Variants in FAM114A1 observed in about 807,000 individuals in gnomAD.
FAM114A1 encodes protein NOXP20.
Under a neutral mutation model 64.3 loss-of-function variants are expected in FAM114A1, and 62 were observed. That is an observed-to-expected ratio of 0.96 (90% CI 0.79 to 1.19). The LOEUF is 1.19. Ranked by LOEUF, FAM114A1 falls within the 50% of genes most tolerant of loss-of-function variation. The pLI is 0.00. For synonymous variants in FAM114A1, 254 were observed against 251.1 expected, an observed-to-expected ratio of 1.01 and a Z score of -0.11; for missense variants, 645 against 676.3, an observed-to-expected ratio of 0.95 and a Z score of 0.51.
chr4:38,888,118 C>T (rs2109591244), intron 3 of FAM114A1, among the ~76,000 whole-genome samples: 1 of 152,034 alleles, frequency 6.6e-6, no homozygotes, highest in Non-Finnish European at 1.5e-5. Context: ...TTACTTTTTT[C>T]TATCTAATAA....
rs781697931 is a variant in FAM114A1, at chr4:38,878,265, G to A, written c.187G>A (p.Ala63Thr). The change falls in exon 3 of 15, where the codon GCT (alanine) becomes ACT (threonine). Residue 63 changes from alanine (A) to threonine (T), a missense_variant. Coordinates refer to ENST00000358869, the MANE Select transcript of FAM114A1 (RefSeq NM_138389.4). ...AAATGCAGCTGTGCAGGGTGCAGGGGCTGCCGCCATTGGGCCCCCTGTGCA... is the reference window on the plus strand; with the variant it reads ...AAATGCAGCTGTGCAGGGTGCAGGGACTGCCGCCATTGGGCCCCCTGTGCA... ...HENAAVQGAG[A>T]AAIGPPVQPQ... 3 of 1,614,200 alleles carry A rather than the reference G, an allele frequency of 1.9e-6. No homozygotes were observed. Among genetic ancestry groups the A allele is most frequent in the Non-Finnish European group, 2.5e-6 (3 of 1,180,040 alleles).
chr4:38,922,083 A>G (rs1404694407), intron 8 of FAM114A1, among the ~76,000 whole-genome samples: 4 of 152,258 alleles, frequency 2.6e-5, no homozygotes, highest in African/African-American at 9.6e-5. Flanking sequence ...CTGGGATTAC[A>G]GGCATGCACC....
At chr4:38,918,397 C>T (rs1157850440) in intron 8 of FAM114A1, among the ~76,000 whole-genome samples, 2 of 152,156 alleles carry the variant, frequency 1.3e-5, no homozygotes, top group Admixed American at 6.6e-5. Context: ...CCGCTAGGCC[C>T]GTTCCAAGGT....
At position 38,882,300 on chromosome 4, in the gene FAM114A1, C is replaced by G. The variant is rs1715359166; in HGVS notation, c.348+3874C>G. On this transcript the variant is annotated intron_variant, in intron 3 of 14. Coordinates refer to ENST00000358869, the MANE Select transcript of FAM114A1 (RefSeq NM_138389.4). Reference sequence around the variant, plus strand: ...GCAGTCCGCAGTCCGGCCTGGGCGACAGAGCGAGACTCCGTCTCAAAAAAA... The same window carrying G: ...GCAGTCCGCAGTCCGGCCTGGGCGAGAGAGCGAGACTCCGTCTCAAAAAAA... Among the ~76,000 whole-genome samples, 5 of 99,548 alleles carry G rather than the reference C, an allele frequency of 5.0e-5. No individual in the cohort carries two copies. The South Asian group carries it at 1.6e-3, about 31-fold the overall frequency. The allele number at this position is 99,548 out of a possible 152,430, so 65.3% of individuals were successfully genotyped here. A position where few individuals can be genotyped will look rare whatever the true frequency, so the allele number is the denominator to read the frequency against.
chr4:38,933,525 A>G (rs1183416332), intron 12 of FAM114A1, among the ~76,000 whole-genome samples: 1 of 152,216 alleles, frequency 6.6e-6, no homozygotes, highest in East Asian at 1.9e-4. Context: ...GTTGTCCTAT[A>G]TCATGTTCTT....
In FAM114A1 at chr4:38,929,079, T is replaced by C. The variant is rs548642257; in HGVS notation, c.1070-163T>C. 5 of 611,240 alleles carry C rather than the reference T, an allele frequency of 8.2e-6. No homozygotes were observed. In the East Asian group the frequency reaches 8.8e-5, roughly 11 times the overall value. The allele number at this position is 611,240 out of a possible 1,614,324, so 37.9% of individuals were successfully genotyped here. A position where few individuals can be genotyped will look rare whatever the true frequency, so the allele number is the denominator to read the frequency against. On this transcript the variant is annotated intron_variant, in intron 9 of 14. Transcript: ENST00000358869. ...GGATGCATCTGCTGCCTCACTGCCA[T>C]GCTCACGAATGGAAGACATTCATCT...
chr4:38,919,082 G>A (rs1291162706), intron 8 of FAM114A1, among the ~76,000 whole-genome samples: 1 of 150,838 alleles, frequency 6.6e-6, no homozygotes, highest in Non-Finnish European at 1.5e-5. Context: ...GAACCTGGGG[G>A]GCGGAGGTTG....
Position 38,931,618 on chromosome 4 carries a change from T to C in FAM114A1, c.1323+6T>C, listed in dbSNP as rs192396684. ...AGAAAACTAAGACCATAGAGGTAAATTCATTCTAGATTGTCTGCCTACAAG... is the reference window on the plus strand; with the variant it reads ...AGAAAACTAAGACCATAGAGGTAAACTCATTCTAGATTGTCTGCCTACAAG... On this transcript the variant is annotated splice_donor_region_variant and intron_variant, in intron 11 of 14. Coordinates refer to ENST00000358869, the MANE Select transcript of FAM114A1 (RefSeq NM_138389.4). 2.7e-5 allele frequency: 44 copies of C among 1,609,504 alleles called. No individual in the cohort carries two copies. In the African/African-American group the frequency reaches 4.4e-4, roughly 16 times the overall value.
intron 2 of FAM114A1, among the ~76,000 whole-genome samples, chr4:38,874,926 A>T (rs1344961124): frequency 6.6e-6 from 1 of 152,234 alleles, no homozygotes; most frequent in Non-Finnish European, 1.5e-5. Context: ...TTTATTGAAT[A>T]GGGAGTCCGT....
In FAM114A1 at chr4:38,876,456, C is replaced by T. The variant is rs1285869593; in HGVS notation, c.-8-1615C>T. On this transcript the variant is annotated intron_variant, in intron 2 of 14. Transcript: ENST00000358869. ...AAAGTGCTGGGATTACAGGTGTGAG[C>T]CATTGCACCCTGCCTTCCTATGCTT... Among the ~76,000 whole-genome samples the T allele has an allele frequency of 7.9e-5, 12 of 152,122 alleles. No homozygotes were observed. In the East Asian group the frequency reaches 1.7e-3, roughly 22 times the overall value.
intron 2 of FAM114A1, among the ~76,000 whole-genome samples, chr4:38,869,799 T>C (rs1176209003): frequency 6.6e-6 from 1 of 151,560 alleles, no homozygotes; most frequent in Non-Finnish European, 1.5e-5. Context: ...AGTCAGGCCA[T>C]TTTTTTTAAA....
intron 7 of FAM114A1, among the ~76,000 whole-genome samples, chr4:38,911,308 G>C (rs1253133712): frequency 6.6e-6 from 1 of 152,238 alleles, no homozygotes; most frequent in African/African-American, 2.4e-5. Context: ...TCAGCCAAAG[G>C]CTGCTGACAA....
chr4:38,931,703 T>C (rs896484090), intron 11 of FAM114A1, 91 bp downstream of exon 11: 1 of 1,331,868 alleles, frequency 7.5e-7, no homozygotes, highest in Non-Finnish European at 1.0e-6. Context: ...AGGCCATTTC[T>C]TTTTCATTTG....
At chr4:38,938,402 G>A (rs1174838751) in intron 13 of FAM114A1, 1 of 152,206 alleles carries the variant, frequency 6.6e-6, no homozygotes, top group Non-Finnish European at 1.5e-5. Context: ...TCATTCTGCT[G>A]TCAAGAAATC....
chr4:38,881,584 G>T (rs186157), intron 3 of FAM114A1, among the ~76,000 whole-genome samples: 2 of 152,198 alleles, frequency 1.3e-5, no homozygotes, highest in Non-Finnish European at 2.9e-5. Flanking sequence ...AAAGGGCCTG[G>T]AAGAGAGGAT....
intron 12 of FAM114A1, among the ~76,000 whole-genome samples, chr4:38,932,607 C>T (rs1365964393): frequency 6.6e-6 from 1 of 152,142 alleles, no homozygotes; most frequent in African/African-American, 2.4e-5. Flanking sequence ...CGTGACCCTC[C>T]TGCCTCAGTC....
intron 9 of FAM114A1, among the ~76,000 whole-genome samples, chr4:38,923,367 C>T (rs1162070002): frequency 2.6e-5 from 4 of 151,704 alleles, no homozygotes; most frequent in South Asian, 2.1e-4. Context: ...GGGATACAGG[C>T]GCTTGCCACC....
chr4:38,882,372 G>C (rs1715373719), intron 3 of FAM114A1, among the ~76,000 whole-genome samples: 1 of 148,684 alleles, frequency 6.7e-6, no homozygotes, highest in Non-Finnish European at 1.5e-5. Context: ...GCTCACACCT[G>C]TAATCCCAGC....
intron 4 of FAM114A1, 70 bp downstream of exon 4, chr4:38,891,900 A>G: frequency 7.2e-7 from 1 of 1,394,914 alleles, no homozygotes; most frequent in South Asian, 1.4e-5. Flanking sequence ...TTTTGATCGT[A>G]CTGTATACTA....
Sources: gnomAD v4.1 joint callset for allele counts (sites outside exome capture counted in the v4.1 genomes callset) on GRCh38, gnomAD v4.1.1 for gene constraint, MANE v1.5 for transcripts, NCBI Gene and HGNC (gene_info 2026-07-23, HGNC 2026-07-21) for gene names.